The following ZNF746 variants were observed in gnomAD, a reference collection of about 807,000 sequenced individuals.
ZNF746 encodes the protein zinc finger protein 746, also known as parkin-interacting substrate.
In ZNF746, 13 loss-of-function variants were observed where a neutral mutation model predicts 41.0. That is an observed-to-expected ratio of 0.32 (90% CI 0.21 to 0.50). The LOEUF is 0.50. Among genes scored for constraint, ZNF746 ranks in the 20% least tolerant of loss-of-function variants. The pLI is 0.98. For missense variants in ZNF746, 811 were observed against 922.9 expected, an observed-to-expected ratio of 0.88 and a Z score of 1.57; for synonymous variants, 424 against 396.2, an observed-to-expected ratio of 1.07 and a Z score of -0.83.
At position 149,474,910 on chromosome 7, in the gene ZNF746, G is replaced by A. The variant is rs1272857081; in HGVS notation, c.1457C>T (p.Ala486Val). Residue 486 changes from alanine to valine, a missense_variant, in exon 7 of 7, where the codon GCG becomes GTG. This residue lies in a region of ZNF746 where 495 missense variants were observed against 481.6 expected (regional missense o/e 1.03). Coordinates refer to ENST00000458143, the MANE Select transcript of ZNF746 (RefSeq NM_001394198.1). This position sits in a 1 kb window ranked among gnomAD's most constrained non-coding sequence, Gnocchi z 6.3. ...GGGCGCCCCACAGCTGCGCTGGTGC[G>A]CGCTCAGGCTGACTTGCAGCTGGAA... ...KSFQLQVSLS[A>V]HQRSCGAPDG... 6.5e-7 allele frequency: 1 copy of A among 1,538,234 alleles called. No homozygotes were observed. The highest frequency in any genetic ancestry group is 2.0e-5 in the Admixed American group (1 of 50,768).
intron 5 of ZNF746, 36 bp downstream of exon 5, chr7:149,477,528 C>A (rs776865611): frequency 3.2e-6 from 5 of 1,562,712 alleles, no homozygotes; most frequent in Non-Finnish European, 4.4e-6. Flanking sequence ...GTGATCCCTG[C>A]AACTTGTTCC....
Position 149,485,151 on chromosome 7 carries a change from T to TTA in ZNF746, c.566-7397_566-7396insTA, listed in dbSNP as rs141582438. Among the ~76,000 whole-genome samples, 274 of 135,986 alleles carry TTA rather than the reference T, an allele frequency of 2.0e-3. 1 individual carries two copies. Among genetic ancestry groups the TTA allele is most frequent in the Non-Finnish European group, 2.9e-3 (185 of 63,470 alleles). The allele number at this position is 135,986 out of a possible 152,430, so 89.2% of individuals were successfully genotyped here. On this transcript the variant is annotated intron_variant, in intron 4 of 6. Transcript: ENST00000458143. ...AAAGATACCACTGACAAAAGTGATT[T>TTA]AAAAAAAAAAAAAAAAGAACCTAGG...
intron 6 of ZNF746, 117 bp downstream of exon 6, chr7:149,476,805 C>T (rs1800315932): frequency 1.4e-6 from 2 of 1,387,708 alleles, no homozygotes; most frequent in Admixed American, 1.7e-5. Context: ...GTGCAGACAC[C>T]CTAATGTCTG....
intron 4 of ZNF746, among the ~76,000 whole-genome samples, chr7:149,483,042 A>G (rs1411077588): frequency 6.6e-6 from 1 of 152,236 alleles, no homozygotes; most frequent in African/African-American, 2.4e-5. Context: ...TCTAGGTCAT[A>G]AAACAGACTT....
At position 149,497,566 on chromosome 7, in the gene ZNF746, G is replaced by A; in HGVS notation, c.-30C>T. 9.5e-7 allele frequency: 1 copy of A among 1,055,780 alleles called. No homozygotes were observed. The highest frequency in any genetic ancestry group is 5.5e-5 in the Admixed American group (1 of 18,162). 65.4% of individuals were successfully genotyped at this position (1,055,780 alleles called of 1,614,324 possible). On this transcript the variant is annotated 5_prime_UTR_variant, in exon 1 of 7. Coordinates refer to ENST00000458143, the MANE Select transcript of ZNF746 (RefSeq NM_001394198.1). This position sits in a 1 kb window ranked among gnomAD's most constrained non-coding sequence, Gnocchi z 4.2. Reference sequence around the variant, plus strand: ...CTGCGCTGTCCCGCCCGGCCCGGAGGAAGTCGTCGTCGCCGCCGCCGCGCG... The same window carrying A: ...CTGCGCTGTCCCGCCCGGCCCGGAGAAAGTCGTCGTCGCCGCCGCCGCGCG...
intron 3 of ZNF746, among the ~76,000 whole-genome samples, 183 bp downstream of exon 3, chr7:149,493,806 C>A (rs1210557451): frequency 6.6e-6 from 1 of 152,192 alleles, no homozygotes; most frequent in South Asian, 2.1e-4. Flanking sequence ...AAACTCAACA[C>A]AGGGAGAAGG....
intron 6 of ZNF746, among the ~76,000 whole-genome samples, chr7:149,476,617 CCA>C (rs1800310286): frequency 6.6e-6 from 1 of 152,134 alleles, no homozygotes; most frequent in Admixed American, 6.5e-5. Flanking sequence ...CAGAGAGAAG[CCA>C]CAGTTTCCTA....
chr7:149,477,547 C>G lies in ZNF746; in HGVS notation c.757+17G>C, dbSNP rs763212188. On this transcript the variant is annotated intron_variant, in intron 5 of 6. Transcript: ENST00000458143. ...TCCCTGCAACTTGTTCCTTATGTCC[C>G]CGTCTCAGCCACTTACCAGAGGTGG... 30 of 1,584,808 alleles carry G rather than the reference C, an allele frequency of 1.9e-5. No homozygotes were observed. Among genetic ancestry groups the G allele is most frequent in the Non-Finnish European group, 2.6e-5 (30 of 1,160,690 alleles).
chr7:149,486,784 G>A (rs1800637561), intron 4 of ZNF746, among the ~76,000 whole-genome samples: 1 of 152,210 alleles, frequency 6.6e-6, no homozygotes, highest in Admixed American at 6.5e-5. Context: ...ATCAGGGGAG[G>A]ACGGGGGTCC....
In ZNF746 at chr7:149,474,234, G is replaced by A; in HGVS notation, c.*150C>T. The A allele has an allele frequency of 1.1e-6, 1 of 882,516 alleles. No individual in the cohort carries two copies. Among genetic ancestry groups the A allele is most frequent in the Non-Finnish European group, 1.7e-6 (1 of 589,158 alleles). The allele number at this position is 882,516 out of a possible 1,614,324, so 54.7% of individuals were successfully genotyped here. On this transcript the variant is annotated 3_prime_UTR_variant, in exon 7 of 7. Coordinates refer to ENST00000458143, the MANE Select transcript of ZNF746 (RefSeq NM_001394198.1). This position sits in a 1 kb window ranked among gnomAD's most constrained non-coding sequence, Gnocchi z 6.3. ...GAGGTGGCAGCTGTCCTGGTGGATA[G>A]TTTCTCTTTCTCCAGTGATCATCAG...
At position 149,493,993 on chromosome 7, in the gene ZNF746, G is replaced by A. The variant is rs1800898275; in HGVS notation, c.447C>T (p.Ser149=). Residue 149 remains serine, a synonymous_variant, in exon 3 of 7, where the codon TCC becomes TCT. Coordinates refer to ENST00000458143, the MANE Select transcript of ZNF746 (RefSeq NM_001394198.1). ...GAAATGAGTGTCAGGCCTTACCCAGGGAGACCAGCGTCTCGTAGTTGCCCC... is the reference window on the plus strand; with the variant it reads ...GAAATGAGTGTCAGGCCTTACCCAGAGAGACCAGCGTCTCGTAGTTGCCCC... The part of the protein sequence containing the change: ...VMRGNYETLV[S]LDYAISKPEV... 6.2e-7 allele frequency: 1 copy of A among 1,614,134 alleles called. No homozygotes were observed. Among genetic ancestry groups the A allele is most frequent in the Middle Eastern group, 1.6e-4 (1 of 6,062 alleles).
rs138585688 is a variant in ZNF746, at chr7:149,492,971, G to A, written c.453C>T (p.Asp151=). Residue 151 remains aspartate, a splice_region_variant and synonymous_variant, in exon 4 of 7, where the codon GAC becomes GAT. Coordinates refer to ENST00000458143, the MANE Select transcript of ZNF746 (RefSeq NM_001394198.1). The part of the protein sequence containing the change: ...RGNYETLVSL[D]YAISKPEVLS... ...GGACCTCGGGCTTGGAGATGGCGTA[G>A]TCTGAGGAAAGACAGAAGGTTAGTT... The A allele has an allele frequency of 2.9e-5, 47 of 1,611,052 alleles. No individual in the cohort carries two copies. The Middle Eastern group carries it at 5.0e-4, about 17-fold the overall frequency.
Position 149,494,587 on chromosome 7 carries a change from T to C in ZNF746, c.25-84A>G. On this transcript the variant is annotated intron_variant, in intron 1 of 6. Transcript: ENST00000458143. The surrounding 1 kb of genome is among the most constrained non-coding windows in gnomAD (Gnocchi z 5.6). The stretch of plus-strand genomic sequence containing the variant: ...CCCTCTCTCCCTAGGCACGGGGGAG[T>C]TGGGCTGGGAGTCCATATGTGTGGA... The C allele has an allele frequency of 6.5e-7, 1 of 1,535,580 alleles. No individual in the cohort carries two copies. The highest frequency in any genetic ancestry group is 8.9e-7 in the Non-Finnish European group (1 of 1,125,092).
At chr7:149,492,765 G>C (rs900222088) in intron 4 of ZNF746, 94 bp downstream of exon 4, 1 of 877,364 alleles carries the variant, frequency 1.1e-6, no homozygotes, top group Non-Finnish European at 1.9e-6. Context: ...GTTTCTCCTC[G>C]ACTCTCTCTG....
chr7:149,475,534 A>G lies in ZNF746; in HGVS notation c.884-51T>C, dbSNP rs201666189. The G allele has an allele frequency of 1.4e-3, 2,108 of 1,550,786 alleles. 1 individual carries two copies. Among genetic ancestry groups the G allele is most frequent in the Non-Finnish European group, 1.7e-3 (1,995 of 1,145,964 alleles). On this transcript the variant is annotated intron_variant, in intron 6 of 6. Transcript: ENST00000458143. ...TGACCTGTCCCTTAACTGCTGAGCG[A>G]GCCACGATCTGCCACCATCACCTGC...
intron 5 of ZNF746, 26 bp from the exon 6 acceptor site, chr7:149,477,073 G>C (rs1800329049): frequency 1.2e-6 from 2 of 1,604,450 alleles, no homozygotes; most frequent in Non-Finnish European, 1.7e-6. Context: ...AGCAGAGCCG[G>C]TGGGTTAGGG....
chr7:149,482,874 T>A (rs1800522556), intron 4 of ZNF746, among the ~76,000 whole-genome samples: 1 of 152,236 alleles, frequency 6.6e-6, no homozygotes, highest in South Asian at 2.1e-4. Context: ...GGGATTTTGA[T>A]ATATCTCTCT....
At chr7:149,484,443 G>A (rs994689006) in intron 4 of ZNF746, among the ~76,000 whole-genome samples, 30 of 152,180 alleles carry the variant, frequency 2.0e-4, no homozygotes, top group African/African-American at 6.7e-4. Context: ...TCATCTCAAT[G>A]GATACCAAAA....
intron 4 of ZNF746, among the ~76,000 whole-genome samples, chr7:149,479,413 T>C (rs1800418692): frequency 6.6e-6 from 1 of 152,228 alleles, no homozygotes; most frequent in African/African-American, 2.4e-5. Context: ...CAATTTTTAT[T>C]GCACAAACTA....
Sources: allele counts gnomAD v4.1 joint callset (sites outside exome capture counted in the v4.1 genomes callset), GRCh38; gene constraint gnomAD v4.1.1; regional missense constraint gnomAD v4.1.1; non-coding constraint Gnocchi (gnomAD v3.1); transcripts MANE v1.5; gene names NCBI Gene and HGNC (gene_info 2026-07-23, HGNC 2026-07-21).